Variants in TGFB2 observed in about 807,000 individuals in gnomAD.
TGFB2 encodes the protein transforming growth factor beta-2 proprotein.
In TGFB2, 13 loss-of-function variants were observed where a neutral mutation model predicts 42.7. The observed-to-expected ratio is 0.30, with a 90% CI of 0.20 to 0.48. TGFB2 has a LOEUF of 0.48. Ranked by LOEUF, TGFB2 falls within the 20% of genes least tolerant of loss-of-function variation. TGFB2 has a pLI of 0.99. For synonymous variants in TGFB2, 193 were observed against 193.6 expected (o/e 1.00, Z 0.03); for missense variants, 390 against 517.5 (o/e 0.75, Z 2.39).
intron 1 of TGFB2, among the ~76,000 whole-genome samples, chr1:218,350,986 CAATG>C (rs1656851894): frequency 6.6e-6 from 1 of 152,232 alleles, no homozygotes; most frequent in Non-Finnish European, 1.5e-5. Flanking sequence ...TGAAAAATCA[CAATG>C]AGATTCCCTT....
At chr1:218,414,602 A>C (rs1244210058) in intron 2 of TGFB2, among the ~76,000 whole-genome samples, 2 of 152,196 alleles carry the variant, frequency 1.3e-5, no homozygotes, top group African/African-American at 4.8e-5. Context: ...TTGCCTCATA[A>C]GGAAACTGGA....
intron 1 of TGFB2, among the ~76,000 whole-genome samples, chr1:218,375,613 T>C (rs1328699553): frequency 6.6e-6 from 1 of 152,168 alleles, no homozygotes; most frequent in Non-Finnish European, 1.5e-5. Context: ...CTGAAAACCA[T>C]AGAAAAACTA....
rs778452299 is a variant in TGFB2 at position 218,441,383 on chromosome 1, G to T, written c.*21G>T. On this transcript the variant is annotated 3_prime_UTR_variant, in exon 7 of 7. Transcript: ENST00000366930. ...GCTAAAATTCTTGGAAAAGTGGCAA[G>T]ACCAAAATGACAATGATGATGATAA... is the stretch of plus-strand genomic sequence containing the variant. 186 of 1,592,262 alleles carry T rather than the reference G, an allele frequency of 1.2e-4. No homozygotes were observed. The highest frequency in any genetic ancestry group is 1.6e-4 in the Non-Finnish European group (184 of 1,172,852).
At chr1:218,365,431 G>C (rs80285490) in intron 1 of TGFB2, among the ~76,000 whole-genome samples, 9 of 151,998 alleles carry the variant, frequency 5.9e-5, no homozygotes, top group Non-Finnish European at 2.9e-5. Flanking sequence ...TAATTGCTGC[G>C]AGCTTCTGTC....
intron 2 of TGFB2, among the ~76,000 whole-genome samples, chr1:218,431,608 G>A (rs979259243): frequency 6.6e-6 from 1 of 152,198 alleles, no homozygotes; most frequent in African/African-American, 2.4e-5. Flanking sequence ...CTAAATGTTA[G>A]CTATGTGAAT....
chr1:218,433,049 C>G (rs1431168066), intron 2 of TGFB2, among the ~76,000 whole-genome samples: 1 of 152,078 alleles, frequency 6.6e-6, no homozygotes, highest in Non-Finnish European at 1.5e-5. Context: ...ATACACCTTT[C>G]TTGAAATGTT....
chr1:218,356,719 G>A (rs578205071), intron 1 of TGFB2, among the ~76,000 whole-genome samples: 7 of 152,284 alleles, frequency 4.6e-5, no homozygotes, highest in Admixed American at 4.6e-4. Context: ...CAGGTGTCCT[G>A]TCTCTCATCA....
chr1:218,347,079 G>A, intron 1 of TGFB2, 32 bp downstream of exon 1: 2 of 1,543,130 alleles, frequency 1.3e-6, no homozygotes, highest in Non-Finnish European at 1.7e-6. Flanking sequence ...CATCCCCTGA[G>A]GTTTAGCTCT....
chr1:218,430,231 A>G (rs1659763157), intron 2 of TGFB2, among the ~76,000 whole-genome samples: 1 of 152,010 alleles, frequency 6.6e-6, no homozygotes, highest in South Asian at 2.1e-4. Context: ...CGTCTCTACT[A>G]AAAATATAAA....
intron 1 of TGFB2, among the ~76,000 whole-genome samples, chr1:218,356,037 G>A (rs1330515891): frequency 6.6e-6 from 1 of 152,180 alleles, no homozygotes; most frequent in East Asian, 1.9e-4. Flanking sequence ...CATGACATCT[G>A]CCCTCAGAAA....
At chr1:218,427,048 T>C (rs1659646045) in intron 2 of TGFB2, among the ~76,000 whole-genome samples, 1 of 152,178 alleles carries the variant, frequency 6.6e-6, no homozygotes. Context: ...CTTTTTATCG[T>C]ATTATTTCTT....
At chr1:218,365,617 C>A (rs900693043) in intron 1 of TGFB2, among the ~76,000 whole-genome samples, 3 of 151,886 alleles carry the variant, frequency 2.0e-5, no homozygotes, top group Non-Finnish European at 2.9e-5. Context: ...ACCCTGCAGA[C>A]CCCTTTCAGA....
chr1:218,404,081 A>G (rs1168424677), intron 1 of TGFB2, among the ~76,000 whole-genome samples: 1 of 149,286 alleles, frequency 6.7e-6, no homozygotes, highest in Non-Finnish European at 1.5e-5. Context: ...AGCCAGCACA[A>G]CTCTAAAGCA....
At position 218,398,331 on chromosome 1, in the gene TGFB2, G is replaced by A. The variant is rs566716947; in HGVS notation, c.347-6838G>A. On this transcript the variant is annotated intron_variant, in intron 1 of 6. Coordinates refer to ENST00000366930, the MANE Select transcript of TGFB2 (RefSeq NM_003238.6). ...TTGACCCAAGCATTTCAACATTCACGCACTTTCTTCCTGCCAGTTTTGTGG... is the reference window on the plus strand; with the variant it reads ...TTGACCCAAGCATTTCAACATTCACACACTTTCTTCCTGCCAGTTTTGTGG... Among the ~76,000 whole-genome samples the A allele has an allele frequency of 6.6e-5, 10 of 152,298 alleles. No homozygotes were observed. In the East Asian group the frequency reaches 7.7e-4, roughly 12 times the overall value.
At chr1:218,437,550 C>T (rs1660012267) in intron 6 of TGFB2, 54 bp downstream of exon 6, 3 of 1,520,936 alleles carry the variant, frequency 2.0e-6, no homozygotes, top group Non-Finnish European at 2.7e-6. Context: ...TGTGCACCTG[C>T]TGATAGTATT....
intron 2 of TGFB2, among the ~76,000 whole-genome samples, chr1:218,421,156 T>G (rs935413051): frequency 1.3e-5 from 2 of 152,186 alleles, no homozygotes; most frequent in African/African-American, 2.4e-5. Context: ...TAAAAGCCAC[T>G]GTACCCAGTT....
intron 2 of TGFB2, among the ~76,000 whole-genome samples, chr1:218,423,261 T>G (rs1659514749): frequency 6.6e-6 from 1 of 152,204 alleles, no homozygotes; most frequent in African/African-American, 2.4e-5. Context: ...TATAAGGGTT[T>G]GTGGGGATTT....
At chr1:218,422,565 T>C (rs191647409) in intron 2 of TGFB2, among the ~76,000 whole-genome samples, 2 of 152,282 alleles carry the variant, frequency 1.3e-5, no homozygotes, top group Admixed American at 1.3e-4. Flanking sequence ...TTACCTGGAC[T>C]GTGTTCTCTT....
chr1:218,372,700 GA>G (rs1308606015), intron 1 of TGFB2, among the ~76,000 whole-genome samples: 4 of 152,200 alleles, frequency 2.6e-5, no homozygotes, highest in Non-Finnish European at 5.9e-5. Context: ...TCTTTGTTGG[GA>G]GCTTTGACAG....
Sources: allele counts gnomAD v4.1 joint callset (sites outside exome capture counted in the v4.1 genomes callset), GRCh38; gene constraint gnomAD v4.1.1; transcripts MANE v1.5; gene names NCBI Gene and HGNC (gene_info 2026-07-23, HGNC 2026-07-21).